AKT3: variants seen among roughly 807,000 people sequenced by gnomAD.
AKT3 encodes the protein RAC-gamma serine/threonine-protein kinase.
Under a neutral mutation model 65.3 loss-of-function variants are expected in AKT3, and 15 were observed. That is an observed-to-expected ratio of 0.23 (90% confidence interval 0.15 to 0.35). The LOEUF (loss-of-function observed/expected upper bound fraction) is 0.35, where lower values mean the gene tolerates loss of function less well. Among genes scored for constraint, AKT3 ranks in the 10% least tolerant of loss-of-function variants. The pLI, the probability that AKT3 is intolerant of heterozygous loss-of-function variation, is 1.00. For synonymous variants in AKT3, 206 were observed against 183.8 expected (o/e 1.12, Z -0.98); for missense variants, 243 against 576.5 (o/e 0.42, Z 5.92).
chr1:243,773,207 AAT>A (rs560934821), intron 2 of AKT3, among the ~76,000 whole-genome samples: 1,653 of 145,262 alleles, frequency 0.011, 20 homozygotes, highest in African/African-American at 0.036. Context: ...ATATATAAAA[AAT>A]ATATATATAT....
intron 3 of AKT3, among the ~76,000 whole-genome samples, chr1:243,688,122 C>T (rs1193069388): frequency 6.6e-6 from 1 of 151,520 alleles, no homozygotes; most frequent in Non-Finnish European, 1.5e-5. Flanking sequence ...TAATATGTAT[C>T]AATTAAAAAT....
chr1:243,704,842 A>G (rs1386317652), intron 2 of AKT3, among the ~76,000 whole-genome samples: 2 of 152,124 alleles, frequency 1.3e-5, no homozygotes, highest in African/African-American at 4.8e-5. Flanking sequence ...TTTCTGCATA[A>G]TATTGATTAA....
At chr1:243,627,282 C>T (rs1679242555) in intron 6 of AKT3, among the ~76,000 whole-genome samples, 1 of 151,416 alleles carries the variant, frequency 6.6e-6, no homozygotes, top group Non-Finnish European at 1.5e-5. Flanking sequence ...TCACTTGAGT[C>T]CAGGAGTGTA....
intron 12 of AKT3, among the ~76,000 whole-genome samples, chr1:243,515,260 C>T (rs571305279): frequency 9.9e-5 from 15 of 152,024 alleles, no homozygotes; most frequent in Non-Finnish European, 2.2e-4. Flanking sequence ...CTTTTATGTC[C>T]ACGTCTTTGT....
chr1:243,547,859 T>C (rs1672782620), intron 11 of AKT3, among the ~76,000 whole-genome samples: 2 of 152,170 alleles, frequency 1.3e-5, no homozygotes, highest in South Asian at 4.1e-4. Context: ...CAGATCCTTA[T>C]AGAATTCTCT....
At chr1:243,650,132 T>C (rs1051044938) in intron 4 of AKT3, among the ~76,000 whole-genome samples, 1 of 152,226 alleles carries the variant, frequency 6.6e-6, no homozygotes, top group Non-Finnish European at 1.5e-5. Flanking sequence ...GGTATCTCAT[T>C]GTGTTTTGAT....
chr1:243,778,571 G>C (rs1690702246), intron 2 of AKT3, among the ~76,000 whole-genome samples: 1 of 152,140 alleles, frequency 6.6e-6, no homozygotes, highest in Non-Finnish European at 1.5e-5. Flanking sequence ...TTTCCATACT[G>C]TGTTAAGAAT....
At chr1:243,808,574 A>G (rs1398698837) in intron 2 of AKT3, among the ~76,000 whole-genome samples, 1 of 152,232 alleles carries the variant, frequency 6.6e-6, no homozygotes, top group East Asian at 1.9e-4. Context: ...TGAAAGTGAC[A>G]GGGAGAATGG....
chr1:243,710,633 G>A (rs1686086294), intron 2 of AKT3, among the ~76,000 whole-genome samples: 1 of 152,134 alleles, frequency 6.6e-6, no homozygotes, highest in Admixed American at 6.5e-5. Context: ...AATGCCGGAT[G>A]AAAACAATTT....
chr1:243,699,747 A>T (rs934094795), intron 2 of AKT3, among the ~76,000 whole-genome samples: 9 of 152,164 alleles, frequency 5.9e-5, no homozygotes, highest in Middle Eastern at 3.4e-3. Context: ...TTTATATGGC[A>T]ACACATGTGA....
chr1:243,497,865 A>G (rs2148320418), downstream of AKT3, among the ~76,000 whole-genome samples: 1 of 152,184 alleles, frequency 6.6e-6, no homozygotes, highest in East Asian at 1.9e-4. Context: ...TTTTTTTTGT[A>G]GAGATGAGGT....
At chr1:243,840,933 G>A (rs1013417523) in intron 2 of AKT3, among the ~76,000 whole-genome samples, 6 of 151,872 alleles carry the variant, frequency 4.0e-5, no homozygotes, top group Non-Finnish European at 8.8e-5. Context: ...TAAAAAACTG[G>A]CATAATGATG....
At chr1:243,582,779 T>C (rs1190382773) in intron 8 of AKT3, among the ~76,000 whole-genome samples, 2 of 152,010 alleles carry the variant, frequency 1.3e-5, no homozygotes, top group Non-Finnish European at 1.5e-5. Context: ...TGAATGTAAA[T>C]GGTCTAAACA....
chr1:243,846,218 T>G (rs546574132), intron 1 of AKT3, among the ~76,000 whole-genome samples: 1 of 152,096 alleles, frequency 6.6e-6, no homozygotes, highest in Non-Finnish European at 1.5e-5. Context: ...CTCCTTCCCC[T>G]CCCATCCCCT....
intron 9 of AKT3, among the ~76,000 whole-genome samples, chr1:243,571,028 C>G (rs894838559): frequency 4.6e-5 from 7 of 152,094 alleles, no homozygotes; most frequent in African/African-American, 1.7e-4. Context: ...CTTCAATATA[C>G]CAATATGTTG....
intron 2 of AKT3, chr1:243,735,264 T>C (rs1165821628): frequency 6.6e-6 from 1 of 152,248 alleles, no homozygotes; most frequent in Non-Finnish European, 1.5e-5. Context: ...TGTACAAAAC[T>C]GGCAATGCAA....
intron 12 of AKT3, among the ~76,000 whole-genome samples, chr1:243,537,048 A>G (rs1574562017): frequency 6.6e-6 from 1 of 152,120 alleles, no homozygotes; most frequent in Non-Finnish European, 1.5e-5. Context: ...GAATATCTCA[A>G]CCAGAAAGTA....
chr1:243,555,594 C>A (rs1376109556), intron 10 of AKT3, among the ~76,000 whole-genome samples: 1 of 152,018 alleles, frequency 6.6e-6, no homozygotes, highest in East Asian at 1.9e-4. Context: ...TTAAGGATTG[C>A]AAATTCTTTC....
intron 3 of AKT3, among the ~76,000 whole-genome samples, chr1:243,668,689 C>T (rs1682968592): frequency 6.6e-6 from 1 of 152,082 alleles, no homozygotes; most frequent in Non-Finnish European, 1.5e-5. Flanking sequence ...TATTCAGCTG[C>T]ATGTGTACAG....
Sources: gnomAD v4.1 joint callset for allele counts (sites outside exome capture counted in the v4.1 genomes callset) on GRCh38, gnomAD v4.1.1 for gene constraint, MANE v1.5 for transcripts, NCBI Gene and HGNC (gene_info 2026-07-23, HGNC 2026-07-21) for gene names.